The following LPAR1 variants were observed in gnomAD, a reference collection of about 807,000 sequenced individuals.
LPAR1 encodes the protein LPA receptor 1.
Under a neutral mutation model 23.8 loss-of-function variants are expected in LPAR1, and 5 were observed. The ratio of observed to expected loss-of-function variants is 0.21; its 90% CI spans 0.11 to 0.44. The LOEUF (loss-of-function observed/expected upper bound fraction) is 0.44. Among genes scored for constraint, LPAR1 ranks in the 20% least tolerant of loss-of-function variants. The probability of loss-of-function intolerance (pLI) is 0.99; values close to 1 mark genes in which losing one functional copy is unlikely to be tolerated. For missense variants in LPAR1, 311 were observed against 482.8 expected (o/e 0.64, Z 3.33); for synonymous variants, 160 against 164.7 (o/e 0.97, Z 0.22).
chr9:110,930,696 A>G (rs1482085384), intron 5 of LPAR1, among the ~76,000 whole-genome samples: 3 of 151,886 alleles, frequency 2.0e-5, no homozygotes, highest in East Asian at 1.9e-4. Flanking sequence ...TGGGTGGATC[A>G]CCTGATGTTG....
chr9:111,031,303 T>C (rs937436901), intron 2 of LPAR1, among the ~76,000 whole-genome samples: 2 of 147,526 alleles, frequency 1.4e-5, no homozygotes, highest in Admixed American at 1.4e-4. Flanking sequence ...ACAGCTGTCA[T>C]CCCAACACTT....
intron 2 of LPAR1, among the ~76,000 whole-genome samples, chr9:111,007,870 G>A (rs1009138159): frequency 3.3e-5 from 5 of 152,056 alleles, no homozygotes; most frequent in Admixed American, 1.3e-4. Context: ...CTAAGGTTTC[G>A]AGAAGTGGTA....
intron 5 of LPAR1, among the ~76,000 whole-genome samples, chr9:110,921,392 T>C (rs2093622725): frequency 6.6e-6 from 1 of 152,226 alleles, no homozygotes; most frequent in Non-Finnish European, 1.5e-5. Flanking sequence ...CCTAAAGACA[T>C]TAAAATAGTT....
At chr9:110,932,756 T>C (rs2094486284) in intron 5 of LPAR1, among the ~76,000 whole-genome samples, 1 of 152,268 alleles carries the variant, frequency 6.6e-6, no homozygotes, top group African/African-American at 2.4e-5. Context: ...GATTGCGTGC[T>C]TCTTATGAGA....
chr9:111,030,563 C>T (rs148816992), intron 2 of LPAR1, among the ~76,000 whole-genome samples: 14 of 152,274 alleles, frequency 9.2e-5, no homozygotes, highest in African/African-American at 2.6e-4. Context: ...TTGTTTTCTA[C>T]CTAACAAAAG....
chr9:110,943,027 A>G (rs940959551), intron 4 of LPAR1, among the ~76,000 whole-genome samples: 1 of 148,136 alleles, frequency 6.8e-6, no homozygotes, highest in South Asian at 2.1e-4. Context: ...TATTTATAAT[A>G]ATCACTTTAA....
chr9:110,972,147 C>A lies in LPAR1; in HGVS notation c.-30G>T. 1 of 1,607,274 alleles carries A rather than the reference C, an allele frequency of 6.2e-7. No individual in the cohort carries two copies. The highest frequency in any genetic ancestry group is 8.5e-7 in the Non-Finnish European group (1 of 1,173,898). ...GCTCTGTGGTTGTAGGTGGTGAACACGCCCCAGAACTACGGGAGACAAATT... is the reference window on the plus strand; with the variant it reads ...GCTCTGTGGTTGTAGGTGGTGAACAAGCCCCAGAACTACGGGAGACAAATT... On this transcript the variant is annotated 5_prime_UTR_variant, in exon 4 of 6. Coordinates refer to ENST00000683809, the MANE Select transcript of LPAR1 (RefSeq NM_001351411.2).
At chr9:110,924,446 T>C (rs1054741953) in intron 5 of LPAR1, among the ~76,000 whole-genome samples, 4 of 152,152 alleles carry the variant, frequency 2.6e-5, no homozygotes, top group South Asian at 2.1e-4. Flanking sequence ...AGAAACAGTA[T>C]ATTCAACTTA....
At chr9:110,988,390 A>T (rs1384757662) in intron 2 of LPAR1, among the ~76,000 whole-genome samples, 3 of 152,130 alleles carry the variant, frequency 2.0e-5, no homozygotes, top group Non-Finnish European at 2.9e-5. Flanking sequence ...AAAACAACTC[A>T]TAGAAAGAAA....
chr9:110,958,392 T>C (rs543253307), intron 4 of LPAR1, among the ~76,000 whole-genome samples: 30 of 152,184 alleles, frequency 2.0e-4, no homozygotes, highest in African/African-American at 6.7e-4. Flanking sequence ...CATAGACCAA[T>C]GGAACAGAAT....
At chr9:110,930,889 T>G (rs1049689391) in intron 5 of LPAR1, among the ~76,000 whole-genome samples, 1 of 152,070 alleles carries the variant, frequency 6.6e-6, no homozygotes, top group African/African-American at 2.4e-5. Flanking sequence ...CACTCCAGCC[T>G]GGGCAACAAG....
chr9:111,005,050 T>C (rs2097188945), intron 2 of LPAR1, among the ~76,000 whole-genome samples: 1 of 147,092 alleles, frequency 6.8e-6, no homozygotes, highest in African/African-American at 2.5e-5. Flanking sequence ...TGGTTCCAGG[T>C]ACTCAAAAGG....
chr9:111,013,964 T>C (rs1211317329), intron 2 of LPAR1, among the ~76,000 whole-genome samples: 2 of 152,192 alleles, frequency 1.3e-5, no homozygotes, highest in African/African-American at 4.8e-5. Context: ...GCTGAAACTA[T>C]GCATCTATGC....
intron 5 of LPAR1, among the ~76,000 whole-genome samples, chr9:110,932,939 G>A (rs1350734805): frequency 6.6e-6 from 1 of 152,224 alleles, no homozygotes; most frequent in Non-Finnish European, 1.5e-5. Flanking sequence ...CTTAAGTACT[G>A]CAGATCCATC....
intron 5 of LPAR1, among the ~76,000 whole-genome samples, chr9:110,884,234 C>A (rs778907603): frequency 2.6e-5 from 4 of 152,112 alleles, no homozygotes; most frequent in African/African-American, 9.7e-5. Context: ...GGCCTTTGTA[C>A]GTGTTTGCTC....
At chr9:110,900,588 A>G (rs2088495958) in intron 5 of LPAR1, among the ~76,000 whole-genome samples, 1 of 152,210 alleles carries the variant, frequency 6.6e-6, no homozygotes, top group Non-Finnish European at 1.5e-5. Context: ...TCATCTAAGG[A>G]AGAACCAAGT....
chr9:110,922,850 AT>A (rs895749598), intron 5 of LPAR1, among the ~76,000 whole-genome samples: 5 of 148,118 alleles, frequency 3.4e-5, no homozygotes, highest in East Asian at 2.0e-4. Flanking sequence ...TATTATTATT[AT>A]TATTATACTT....
chr9:110,965,431 A>G (rs1465597465), intron 4 of LPAR1, among the ~76,000 whole-genome samples: 1 of 152,220 alleles, frequency 6.6e-6, no homozygotes. Context: ...AATTTAAGAG[A>G]AAAAACAACC....
chr9:111,036,764 CT>C (rs1345547309), intron 1 of LPAR1, among the ~76,000 whole-genome samples: 3 of 152,160 alleles, frequency 2.0e-5, no homozygotes, highest in African/African-American at 4.8e-5. Context: ...TCTCTTGCCA[CT>C]TGGTGTTTTT....
Sources: gnomAD v4.1 joint callset for allele counts (sites outside exome capture counted in the v4.1 genomes callset) on GRCh38, gnomAD v4.1.1 for gene constraint, MANE v1.5 for transcripts, NCBI Gene and HGNC (gene_info 2026-07-23, HGNC 2026-07-21) for gene names.